The following FRMD5 variants were observed in gnomAD, a reference collection of about 807,000 sequenced individuals.
FRMD5 encodes FERM domain containing 5, also known as FERM domain-containing protein 5.
A neutral mutation model predicts 69.0 loss-of-function variants in FRMD5; 20 were observed. The observed-to-expected ratio is 0.29, with a 90% confidence interval of 0.20 to 0.42. The LOEUF is 0.42. Among genes scored for constraint, FRMD5 ranks in the 10% least tolerant of loss-of-function variants. The pLI is 1.00. For missense variants in FRMD5, 595 were observed against 708.6 expected (o/e 0.84, Z 1.82); for synonymous variants, 271 against 260.1 (o/e 1.04, Z -0.40).
At chr15:44,104,854 T>A (rs1354924418) in intron 1 of FRMD5, among the ~76,000 whole-genome samples, 1 of 152,166 alleles carries the variant, frequency 6.6e-6, no homozygotes, top group African/African-American at 2.4e-5. Context: ...TCTTCTCGAT[T>A]GGTTTCTTTC....
chr15:43,939,012 C>A (rs1448770786), intron 1 of FRMD5, among the ~76,000 whole-genome samples: 1 of 151,928 alleles, frequency 6.6e-6, no homozygotes, highest in Non-Finnish European at 1.5e-5. Context: ...CAAGCATGCA[C>A]CACCACATCC....
intron 1 of FRMD5, among the ~76,000 whole-genome samples, chr15:44,177,064 G>C (rs1346037974): frequency 6.6e-6 from 1 of 152,086 alleles, no homozygotes; most frequent in East Asian, 1.9e-4. Flanking sequence ...CAGTTCCAAA[G>C]GGTTTGAGCA....
intron 7 of FRMD5, among the ~76,000 whole-genome samples, chr15:43,895,596 A>G (rs1444680090): frequency 6.6e-6 from 1 of 152,240 alleles, no homozygotes; most frequent in African/African-American, 2.4e-5. Context: ...ATAAGCAATA[A>G]TAGCACCTTG....
Position 44,176,761 on chromosome 15 carries a change from G to A in FRMD5, c.102+18192C>T, listed in dbSNP as rs148342473. Among the ~76,000 whole-genome samples the A allele has an allele frequency of 4.1e-3, 617 of 152,050 alleles. 5 individuals are homozygous for A. Among genetic ancestry groups the A allele is most frequent in the African/African-American group, 0.014 (577 of 41,488 alleles). ...TCCCAAAAAGATATACAAATGGCCA[G>A]TAAACATACGAAAAGATGCTCAACA... On this transcript the variant is annotated intron_variant, in intron 1 of 13. Transcript: ENST00000417257.
At chr15:44,198,343 A>T (rs574818802), upstream of FRMD5, among the ~76,000 whole-genome samples, 1 of 149,138 alleles carries the variant, frequency 6.7e-6, no homozygotes, top group Admixed American at 6.7e-5. Context: ...AAAAAAAAAA[A>T]GGAATTAAAA....
intron 1 of FRMD5, among the ~76,000 whole-genome samples, chr15:44,003,426 A>T (rs1009417082): frequency 6.6e-6 from 1 of 152,168 alleles, no homozygotes; most frequent in African/African-American, 2.4e-5. Flanking sequence ...AAACACTCAG[A>T]TGTAGGTTGT....
intron 1 of FRMD5, among the ~76,000 whole-genome samples, chr15:44,033,261 G>C (rs145062794): frequency 5.3e-4 from 81 of 152,206 alleles, no homozygotes; most frequent in Non-Finnish European, 1.0e-3. Context: ...TGCGAGGAGA[G>C]AAAGGAGCAG....
chr15:44,054,201 GACAA>G (rs1892777384), intron 1 of FRMD5, among the ~76,000 whole-genome samples: 1 of 152,220 alleles, frequency 6.6e-6, no homozygotes, highest in Non-Finnish European at 1.5e-5. Context: ...CTAATAACAT[GACAA>G]ACAGTGTTGT....
intron 1 of FRMD5, among the ~76,000 whole-genome samples, chr15:43,940,182 A>G (rs913621452): frequency 1.3e-5 from 2 of 152,198 alleles, no homozygotes; most frequent in South Asian, 2.1e-4. Context: ...CTGTCTCAAA[A>G]CAAACAACAA....
intron 1 of FRMD5, among the ~76,000 whole-genome samples, chr15:44,039,313 C>G (rs751451099): frequency 1.3e-5 from 2 of 152,228 alleles, no homozygotes; most frequent in Admixed American, 1.3e-4. Context: ...GCACAGCATT[C>G]AAGCTCTGAT....
intron 1 of FRMD5, among the ~76,000 whole-genome samples, chr15:44,058,785 C>CAAAA (rs34213454): frequency 1.6e-5 from 2 of 122,650 alleles, no homozygotes; most frequent in African/African-American, 3.4e-5. Flanking sequence ...GACTCCGTCT[C>CAAAA]AAAAAAAAAA....
intron 1 of FRMD5, among the ~76,000 whole-genome samples, chr15:44,111,526 A>T (rs1056929525): frequency 6.6e-6 from 1 of 152,222 alleles, no homozygotes; most frequent in Non-Finnish European, 1.5e-5. Context: ...GTATCCTTGG[A>T]AGGCTCACTG....
chr15:44,166,613 A>G (rs1216531092), intron 1 of FRMD5, among the ~76,000 whole-genome samples: 8 of 151,662 alleles, frequency 5.3e-5, no homozygotes, highest in Non-Finnish European at 7.4e-5. Context: ...GGCAAACCCC[A>G]TCTCTACTAA....
chr15:43,943,557 T>C (rs1340805631), intron 1 of FRMD5, among the ~76,000 whole-genome samples: 1 of 152,182 alleles, frequency 6.6e-6, no homozygotes, highest in East Asian at 1.9e-4. Flanking sequence ...CAGATGTAAT[T>C]AGTTAAGATG....
At chr15:44,118,034 G>T (rs1446598006) in intron 1 of FRMD5, among the ~76,000 whole-genome samples, 1 of 135,372 alleles carries the variant, frequency 7.4e-6, no homozygotes, top group Non-Finnish European at 1.5e-5. Context: ...TCTTTACAGG[G>T]AGAAACATTT....
At chr15:44,044,554 C>CA (rs1262054579) in intron 1 of FRMD5, among the ~76,000 whole-genome samples, 6 of 152,086 alleles carry the variant, frequency 3.9e-5, no homozygotes, top group Non-Finnish European at 8.8e-5. Context: ...CAATATATGG[C>CA]ATATATACAC....
At chr15:44,138,277 A>C (rs2077216593) in intron 1 of FRMD5, among the ~76,000 whole-genome samples, 1 of 152,240 alleles carries the variant, frequency 6.6e-6, no homozygotes, top group South Asian at 2.1e-4. Flanking sequence ...GAATTCTCAA[A>C]GGATATAAAG....
intron 1 of FRMD5, among the ~76,000 whole-genome samples, chr15:44,087,497 A>C (rs1345980875): frequency 1.3e-5 from 2 of 152,134 alleles, no homozygotes; most frequent in Non-Finnish European, 2.9e-5. Context: ...CTAGTGCAGT[A>C]GTTTAAAGTA....
At chr15:44,013,062 C>T (rs991446844) in intron 1 of FRMD5, among the ~76,000 whole-genome samples, 2 of 151,992 alleles carry the variant, frequency 1.3e-5, no homozygotes, top group Non-Finnish European at 2.9e-5. Flanking sequence ...CATTGCGCCC[C>T]GCCTATTGTA....
Sources: allele counts gnomAD v4.1 joint callset (sites outside exome capture counted in the v4.1 genomes callset), GRCh38; gene constraint gnomAD v4.1.1; transcripts MANE v1.5; gene names NCBI Gene and HGNC (gene_info 2026-07-23, HGNC 2026-07-21).